Variants in ZNF292 observed in about 807,000 individuals in gnomAD.
ZNF292 encodes zinc finger protein 292.
A neutral mutation model predicts 217.9 loss-of-function variants in ZNF292; 26 were observed. The observed-to-expected ratio is 0.12, with a 90% confidence interval of 0.09 to 0.17. The LOEUF is 0.17. ZNF292 is among the 10% of genes least tolerant of loss of function. The pLI, the probability that ZNF292 is intolerant of heterozygous loss-of-function variation, is 1.00. For synonymous variants in ZNF292, 1,257 were observed against 1,124.1 expected (o/e 1.12, Z -2.37); for missense variants, 2,904 against 3,175.2 (o/e 0.91, Z 2.05).
intron 1 of ZNF292, among the ~76,000 whole-genome samples, chr6:87,186,741 C>T (rs1771671378): frequency 6.6e-6 from 1 of 152,186 alleles, no homozygotes; most frequent in African/African-American, 2.4e-5. Flanking sequence ...AAGACCTGGT[C>T]TCAAAAAACA....
In ZNF292 at chr6:87,181,694, T is replaced by G. The variant is rs537486556; in HGVS notation, c.168+25935T>G. On this transcript the variant is annotated intron_variant, in intron 1 of 7. Coordinates refer to ENST00000369577, the MANE Select transcript of ZNF292 (RefSeq NM_015021.3). ...GTGTGGTTCTTTTTTGTTTTGTTTT[T>G]TTTTTGAGATGAAGTCTCCCTCTGT... is the stretch of plus-strand genomic sequence containing the variant. Among the ~76,000 whole-genome samples the G allele has an allele frequency of 3.7e-4, 57 of 152,126 alleles. No homozygotes were observed. The South Asian group carries it at 1.0e-2, about 27-fold the overall frequency.
intron 1 of ZNF292, among the ~76,000 whole-genome samples, chr6:87,193,559 C>T (rs1771875968): frequency 6.6e-6 from 1 of 151,472 alleles, no homozygotes; most frequent in African/African-American, 2.4e-5. Context: ...AAGAAAAATG[C>T]AGGCGCAACA....
At position 87,256,262 on chromosome 6, in the gene ZNF292, T is replaced by C; in HGVS notation, c.2633T>C (p.Ile878Thr). The change falls in exon 8 of 8, where the codon ATT becomes ACT. Residue 878 changes from isoleucine to threonine, a missense_variant. Transcript: ENST00000369577. ...TCTATGCTTCCTTCAGAAAATAACA[T>C]TGAAAACAGCTTACTAGCAGATAGA... ...ERSMLPSENNIENSLLADRSD... is the reference protein window; with the variant it reads ...ERSMLPSENNTENSLLADRSD... 3 of 1,613,864 alleles carry C rather than the reference T, an allele frequency of 1.9e-6. No individual in the cohort carries two copies. Among genetic ancestry groups the C allele is most frequent in the Admixed American group, 1.7e-5 (1 of 59,992 alleles).
chr6:87,156,276 G>A (rs1293388064), intron 1 of ZNF292, among the ~76,000 whole-genome samples: 3 of 152,152 alleles, frequency 2.0e-5, no homozygotes, highest in Non-Finnish European at 4.4e-5. Flanking sequence ...TTTGTTGTTC[G>A]AGTTTCGCCT....
At chr6:87,210,141 A>C (rs926607579) in intron 1 of ZNF292, among the ~76,000 whole-genome samples, 1 of 152,204 alleles carries the variant, frequency 6.6e-6, no homozygotes, top group South Asian at 2.1e-4. Flanking sequence ...TTCTCCCTAA[A>C]GCATGTATGT....
chr6:87,216,213 T>C (rs1582435603), intron 2 of ZNF292, 86 bp from the exon 3 acceptor site: 2 of 1,343,596 alleles, frequency 1.5e-6, no homozygotes, highest in Non-Finnish European at 2.1e-6. Flanking sequence ...ATGGGGAGTC[T>C]GCTTATGATA....
chr6:87,239,702 A>G (rs1382273888), intron 5 of ZNF292, among the ~76,000 whole-genome samples: 1 of 91,246 alleles, frequency 1.1e-5, no homozygotes. Context: ...GGGGCTCCTC[A>G]CCTCCCAGAC....
At chr6:87,177,342 T>G (rs932934783) in intron 1 of ZNF292, among the ~76,000 whole-genome samples, 1 of 146,766 alleles carries the variant, frequency 6.8e-6, no homozygotes, top group Non-Finnish European at 1.5e-5. Context: ...AAAAAAAAAA[T>G]GTTTTGAATC....
chr6:87,214,739 A>C (rs1418315581), intron 1 of ZNF292, among the ~76,000 whole-genome samples: 3 of 152,108 alleles, frequency 2.0e-5, no homozygotes, highest in Non-Finnish European at 4.4e-5. Context: ...AGGTCTGTGA[A>C]TATATGGCTA....
chr6:87,259,630 C>G lies in ZNF292; in HGVS notation c.6001C>G (p.Arg2001Gly), dbSNP rs752721353. The change falls in exon 8 of 8, where the codon CGA becomes GGA. Residue 2001 changes from arginine to glycine, a missense_variant. This residue lies in a region of ZNF292 where 261 missense variants were observed against 272.8 expected (regional missense o/e 0.96). Coordinates refer to ENST00000369577, the MANE Select transcript of ZNF292 (RefSeq NM_015021.3). ...TCAGAGTGAAAATGTGCCGGCCTCA[C>G]GAAGTACACAAGTGAAAAAACAGCT... is the stretch of plus-strand genomic sequence containing the variant. The part of the protein sequence containing the change: ...KSQSENVPAS[R>G]STQVKKQLAM... 6.3e-7 allele frequency: 1 copy of G among 1,582,962 alleles called. No individual in the cohort carries two copies. The highest frequency in any genetic ancestry group is 1.8e-5 in the Admixed American group (1 of 54,774).
chr6:87,157,644 T>A (rs1254713189), intron 1 of ZNF292, among the ~76,000 whole-genome samples: 1 of 152,186 alleles, frequency 6.6e-6, no homozygotes, highest in Non-Finnish European at 1.5e-5. Context: ...CCCCGCTTTT[T>A]TGTGAGTGTG....
intron 1 of ZNF292, among the ~76,000 whole-genome samples, chr6:87,156,223 TCCCGCCCCCCAGC>T (rs1172466985): frequency 1.3e-5 from 2 of 152,152 alleles, no homozygotes; most frequent in Non-Finnish European, 2.9e-5. Flanking sequence ...CTTTCATCCG[TCCCGCCCCCCAGC>T]CCCGGCCCTG....
intron 1 of ZNF292, among the ~76,000 whole-genome samples, chr6:87,209,949 G>T (rs138540447): frequency 6.6e-6 from 1 of 152,300 alleles, no homozygotes; most frequent in Non-Finnish European, 1.5e-5. Flanking sequence ...AGTGGAACAT[G>T]AATGTAATAA....
At chr6:87,218,084 G>A (rs1247445208) in intron 3 of ZNF292, among the ~76,000 whole-genome samples, 1 of 152,068 alleles carries the variant, frequency 6.6e-6, no homozygotes, top group South Asian at 2.1e-4. Context: ...AGCAGGCAAG[G>A]TTCATCATCA....
chr6:87,174,940 T>A (rs960445350), intron 1 of ZNF292, among the ~76,000 whole-genome samples: 1 of 152,202 alleles, frequency 6.6e-6, no homozygotes. Context: ...CATCTCAGAT[T>A]TTCTCTGGAC....
At chr6:87,191,854 G>C (rs1466820443) in intron 1 of ZNF292, among the ~76,000 whole-genome samples, 2 of 152,064 alleles carry the variant, frequency 1.3e-5, no homozygotes. Context: ...TAGAGACAGA[G>C]TTTCACCATG....
At position 87,257,117 on chromosome 6, in the gene ZNF292, G is replaced by C; in HGVS notation, c.3488G>C (p.Ser1163Thr). 6.2e-7 allele frequency: 1 copy of C among 1,613,852 alleles called. No individual in the cohort carries two copies. Among genetic ancestry groups the C allele is most frequent in the Non-Finnish European group, 8.5e-7 (1 of 1,179,832 alleles). The change falls in exon 8 of 8, where the codon AGC becomes ACC. Residue 1163 changes from serine to threonine, a missense_variant. By Grantham distance (58) the Ser-to-Thr change is moderately conservative. Transcript: ENST00000369577. ...TATTTTTTGCCATCACCGGTGAACA[G>C]CTCAAATCCATTTTTTACATCACAG... is the stretch of plus-strand genomic sequence containing the variant. ...FVYFLPSPVN[S>T]SNPFFTSQTK...
intron 1 of ZNF292, among the ~76,000 whole-genome samples, chr6:87,172,010 T>G (rs1283994245): frequency 1.3e-5 from 2 of 152,216 alleles, no homozygotes; most frequent in Non-Finnish European, 2.9e-5. Context: ...ATTCAACCAT[T>G]TATCTGTTTG....
At chr6:87,203,289 A>T (rs923231541) in intron 1 of ZNF292, among the ~76,000 whole-genome samples, 5 of 151,664 alleles carry the variant, frequency 3.3e-5, no homozygotes, top group Non-Finnish European at 7.4e-5. Context: ...CTACAGGCAC[A>T]TGTCACCATA....
Sources: gnomAD v4.1 joint callset for allele counts (sites outside exome capture counted in the v4.1 genomes callset) on GRCh38, gnomAD v4.1.1 for gene constraint, gnomAD v4.1.1 regional missense constraint, MANE v1.5 for transcripts, NCBI Gene and HGNC (gene_info 2026-07-23, HGNC 2026-07-21) for gene names.